Variants in PCNT observed in about 807,000 individuals in gnomAD.
PCNT encodes the protein pericentrin, also known as kendrin.
PCNT carries 319 observed loss-of-function variants against 380.4 expected under a neutral mutation model. The observed-to-expected ratio is 0.84, with a 90% CI of 0.77 to 0.92. PCNT has a LOEUF of 0.92. PCNT is among the 40% of genes least tolerant of loss of function. The pLI is 0.00. For synonymous variants in PCNT, 1,845 were observed against 1,735.2 expected (o/e 1.06, Z -1.57); for missense variants, 4,400 against 4,255.3 (o/e 1.03, Z -0.95).
rs899881614 is a variant in PCNT at position 46,407,340 on chromosome 21, C to CTTTTTTTTTTT, written c.5116-3840_5116-3830dup. 5.2e-4 allele frequency among the ~76,000 whole-genome samples: 55 copies of CTTTTTTTTTTT among 106,422 alleles called. 1 individual carries two copies. Among genetic ancestry groups the CTTTTTTTTTTT allele is most frequent in the Non-Finnish European group, 6.1e-4 (34 of 55,850 alleles). 69.8% of individuals were successfully genotyped at this position (106,422 alleles called of 152,430 possible). The stretch of plus-strand genomic sequence containing the variant: ...TTGCATAAAGAAGTTTATACTTTCT[C>CTTTTTTTTTTT]TTTTTTTTTTTTTTTTTTTGAGACG... On this transcript the variant is annotated intron_variant, in intron 27 of 46. Transcript: ENST00000359568.
chr21:46,354,716 A>C lies in PCNT; in HGVS notation c.1761+648A>C, dbSNP rs575883773. Among the ~76,000 whole-genome samples the C allele has an allele frequency of 1.6e-4, 25 of 152,278 alleles. No individual in the cohort carries two copies. In the South Asian group the frequency reaches 5.2e-3, roughly 32 times the overall value. On this transcript the variant is annotated intron_variant, in intron 11 of 46. Coordinates refer to ENST00000359568, the MANE Select transcript of PCNT (RefSeq NM_006031.6). ...AGGGGAACTCGGGGCATCTGGGCTC[A>C]GCGGCCAGGAGCCCTCACTCTGGAG...
At chr21:46,326,712 T>G (rs1398523625) in intron 2 of PCNT, 123 bp downstream of exon 2, 4 of 1,104,378 alleles carry the variant, frequency 3.6e-6, no homozygotes, top group Non-Finnish European at 5.4e-6. Flanking sequence ...AGGGTGTTAT[T>G]TTAGTTTATA....
chr21:46,389,121 T>C, intron 18 of PCNT, 78 bp from the exon 19 acceptor site: 1 of 1,444,472 alleles, frequency 6.9e-7, no homozygotes, highest in Admixed American at 1.8e-5. Context: ...TTCTGTGGCT[T>C]CCTTGTCGTC....
rs536908836 is a variant in PCNT at position 46,410,754 on chromosome 21, G to A, written c.5116-435G>A. Among the ~76,000 whole-genome samples, 52 of 152,358 alleles carry A rather than the reference G, an allele frequency of 3.4e-4. 1 individual carries two copies. In the South Asian group the frequency reaches 9.1e-3, roughly 27 times the overall value. On this transcript the variant is annotated intron_variant, in intron 27 of 46. Transcript: ENST00000359568. The stretch of plus-strand genomic sequence containing the variant: ...AGCAGTGTTGGGATGGAAGGGGAGC[G>A]TGCCCGGCTCACCGCTTTGTTGGTG...
At chr21:46,415,945 A>T in intron 29 of PCNT, 124 bp from the exon 30 acceptor site, 1 of 830,056 alleles carries the variant, frequency 1.2e-6, no homozygotes. Flanking sequence ...TGAAATGTGC[A>T]GGGCTCATTG....
chr21:46,421,881 C>G (rs947761382), intron 31 of PCNT, 89 bp from the exon 32 acceptor site: 16 of 1,440,660 alleles, frequency 1.1e-5, no homozygotes, highest in Non-Finnish European at 1.4e-5. Context: ...GACTGCGGGC[C>G]GATCACCCCT....
intron 29 of PCNT, 55 bp from the exon 30 acceptor site, chr21:46,416,014 G>A: frequency 3.2e-6 from 5 of 1,582,090 alleles, no homozygotes; most frequent in African/African-American, 1.3e-5. Context: ...CCAGACAGGT[G>A]CGACTCCTGG....
At chr21:46,415,783 G>A (rs1026096237) in intron 29 of PCNT, among the ~76,000 whole-genome samples, 1 of 152,164 alleles carries the variant, frequency 6.6e-6, no homozygotes, top group Non-Finnish European at 1.5e-5. Context: ...CCACAATTTT[G>A]TGTTTTCGGT....
intron 5 of PCNT, among the ~76,000 whole-genome samples, 170 bp from the exon 6 acceptor site, chr21:46,347,287 G>A (rs761320926): frequency 6.4e-4 from 97 of 152,172 alleles, no homozygotes; most frequent in Non-Finnish European, 1.2e-3. Flanking sequence ...TGGAAGTCAC[G>A]GTGTCCTCAG....
intron 2 of PCNT, among the ~76,000 whole-genome samples, chr21:46,333,693 G>A (rs1418802651): frequency 6.6e-6 from 1 of 151,780 alleles, no homozygotes; most frequent in Non-Finnish European, 1.5e-5. Context: ...CTGAGGTCAG[G>A]AGTTCAAGAC....
chr21:46,368,534 C>T (rs962059326), intron 15 of PCNT, among the ~76,000 whole-genome samples: 12 of 152,218 alleles, frequency 7.9e-5, no homozygotes, highest in Non-Finnish European at 1.5e-4. Flanking sequence ...TCCCTCTTGC[C>T]CTGGGCTGGC....
Position 46,412,891 on chromosome 21 carries a change from G to C in PCNT, c.6049G>C (p.Glu2017Gln). 5 of 1,612,958 alleles carry C rather than the reference G, an allele frequency of 3.1e-6. No individual in the cohort carries two copies. The highest frequency in any genetic ancestry group is 4.2e-6 in the Non-Finnish European group (5 of 1,180,026). The change falls in exon 29 of 47, where the codon GAA becomes CAA. Residue 2017 changes from glutamate (E) to glutamine (Q), a missense_variant. Coordinates refer to ENST00000359568, the MANE Select transcript of PCNT (RefSeq NM_006031.6). ...GAAGGATGCACCTCTCTGCAAGCAA[G>C]AAGGCGTGATGTCAGTGCTCACCGT... ...TLKDAPLCKQEGVMSVLTVCQ... is the reference protein window; with the variant it reads ...TLKDAPLCKQQGVMSVLTVCQ...
Position 46,431,707 on chromosome 21 carries a change from C to T in PCNT, c.8243C>T (p.Ala2748Val), listed in dbSNP as rs569798532. The T allele has an allele frequency of 1.4e-5, 22 of 1,612,058 alleles. No homozygotes were observed. The highest frequency in any genetic ancestry group is 1.0e-4 in the Admixed American group (6 of 59,916). Residue 2748 changes from alanine (A) to valine (V), a missense_variant, in exon 38 of 47, where the codon GCG becomes GTG. Physicochemically the swap from Ala to Val is moderately conservative, Grantham distance 64. Transcript: ENST00000359568. ...CTCTCTGAGCTCCAGAAGGACCTTG[C>T]GGCTGAGAAGAGCCGCACCCTGGAG... ...SQLSELQKDLAAEKSRTLELS... is the reference protein window; with the variant it reads ...SQLSELQKDLVAEKSRTLELS...
At position 46,432,108 on chromosome 21, in the gene PCNT, T is replaced by C. The variant is rs2147988338; in HGVS notation, c.8644T>C (p.Leu2882=). The C allele has an allele frequency of 1.2e-5, 19 of 1,613,876 alleles. No homozygotes were observed. The highest frequency in any genetic ancestry group is 1.6e-5 in the Non-Finnish European group (19 of 1,180,008). The change falls in exon 38 of 47, where the codon TTG becomes CTG. Residue 2882 remains leucine (L), a synonymous_variant. Transcript: ENST00000359568. ...QAELEQSHPR[L]KEQEGRKAAR... ...AGAATTAGAGCAGTCACACCCACGGTTGAAAGAGCAAGAAGGACGCAAGGC... is the reference window on the plus strand; with the variant it reads ...AGAATTAGAGCAGTCACACCCACGGCTGAAAGAGCAAGAAGGACGCAAGGC...
intron 15 of PCNT, among the ~76,000 whole-genome samples, chr21:46,372,319 C>T (rs2085178253): frequency 6.6e-6 from 1 of 152,040 alleles, no homozygotes; most frequent in Non-Finnish European, 1.5e-5. Context: ...ACACAGCACG[C>T]ACACACAACA....
At chr21:46,435,818 A>T in intron 38 of PCNT, 86 bp from the exon 39 acceptor site, 1 of 1,513,330 alleles carries the variant, frequency 6.6e-7, no homozygotes, top group African/African-American at 1.4e-5. Flanking sequence ...CTAGGATTAC[A>T]GGCATGAACC....
At chr21:46,365,667 T>C (rs2084895677) in intron 14 of PCNT, among the ~76,000 whole-genome samples, 1 of 135,546 alleles carries the variant, frequency 7.4e-6, no homozygotes, top group Non-Finnish European at 1.6e-5. Flanking sequence ...ATGGGGGTTC[T>C]ATTCATTCAC....
chr21:46,422,044 A>C lies in PCNT; in HGVS notation c.7099A>C (p.Thr2367Pro), dbSNP rs1602052686. The C allele has an allele frequency of 6.2e-7, 1 of 1,613,714 alleles. No individual in the cohort carries two copies. Among genetic ancestry groups the C allele is most frequent in the Non-Finnish European group, 8.5e-7 (1 of 1,179,968 alleles). ...TGAGGCTCAAACTGCTGGTCCTGTG[A>C]CCCCTGCTTCCATCTCTGGAAGGTT... ...GPEAQTAGPV[T>P]PASISGRFQP... The change falls in exon 32 of 47, where the codon ACC (threonine) becomes CCC (proline). Residue 2367 changes from threonine (T) to proline (P), a missense_variant. Coordinates refer to ENST00000359568, the MANE Select transcript of PCNT (RefSeq NM_006031.6).
chr21:46,379,829 C>T (rs573141321), intron 15 of PCNT, among the ~76,000 whole-genome samples: 6 of 152,286 alleles, frequency 3.9e-5, no homozygotes, highest in African/African-American at 1.4e-4. Flanking sequence ...GTGCATTGTG[C>T]CCTCAGGGCT....
Sources: gnomAD v4.1 joint callset for allele counts (sites outside exome capture counted in the v4.1 genomes callset) on GRCh38, gnomAD v4.1.1 for gene constraint, MANE v1.5 for transcripts, NCBI Gene and HGNC (gene_info 2026-07-23, HGNC 2026-07-21) for gene names.